FLII: variants seen among roughly 807,000 people sequenced by gnomAD.
FLII encodes the protein FLII actin remodeling protein.
A neutral mutation model predicts 156.2 loss-of-function variants in FLII; 101 were observed. The ratio of observed to expected loss-of-function variants is 0.65; its 90% CI spans 0.55 to 0.76. The LOEUF (loss-of-function observed/expected upper bound fraction) is 0.76, where lower values mean the gene tolerates loss of function less well. FLII is among the 30% of genes least tolerant of loss of function. The probability of loss-of-function intolerance (pLI) is 0.00; values close to 1 mark genes in which losing one functional copy is unlikely to be tolerated. For synonymous variants in FLII, 767 were observed against 685.8 expected (o/e 1.12, Z -1.85); for missense variants, 1,675 against 1,682.8 (o/e 1.00, Z 0.08).
Position 18,246,788 on chromosome 17 carries a change from CCTT to C in FLII, c.2854_2856del (p.Lys952del), listed in dbSNP as rs1174184427. 1.2e-6 allele frequency: 2 copies of C among 1,613,986 alleles called. No individual in the cohort carries two copies. Among genetic ancestry groups the C allele is most frequent in the East Asian group, 4.5e-5 (2 of 44,880 alleles). On this transcript the variant is annotated inframe_deletion, in exon 23 of 30. Coordinates refer to ENST00000327031, the MANE Select transcript of FLII (RefSeq NM_002018.4). ...CCCTCGGCCTTCTCCTCCTTGTCTTCCTTCTTTTCCTCCTCCTCGTACTCCACA... is the reference window on the plus strand; with the variant it reads ...CCCTCGGCCTTCTCCTCCTTGTCTTCCTTTTCCTCCTCCTCGTACTCCACA...
chr17:18,247,022 C>T lies in FLII; in HGVS notation c.2707G>A (p.Asp903Asn). Residue 903 changes from aspartate to asparagine, a missense_variant, in exon 22 of 30, where the codon GAC (aspartate) becomes AAC (asparagine). Asp to Asn is a conservative substitution (Grantham distance 23, BLOSUM62 1). Transcript: ENST00000327031. ...ACGAAACCCTCCATGCCGTCTAGGTCTTCGTTCCACTCCTCCATCAGCTGC... is the reference window on the plus strand; with the variant it reads ...ACGAAACCCTCCATGCCGTCTAGGTTTTCGTTCCACTCCTCCATCAGCTGC... The part of the protein sequence containing the change: ...AEQLMEEWNE[D>N]LDGMEGFVLE... 1 of 1,613,764 alleles carries T rather than the reference C, an allele frequency of 6.2e-7. No individual in the cohort carries two copies. Among genetic ancestry groups the T allele is most frequent in the South Asian group, 1.1e-5 (1 of 91,084 alleles).
chr17:18,246,524 A>G lies in FLII; in HGVS notation c.3052-62T>C. 1.9e-6 allele frequency: 3 copies of G among 1,611,958 alleles called. No individual in the cohort carries two copies. In the South Asian group the frequency reaches 3.3e-5, roughly 18 times the overall value. On this transcript the variant is annotated intron_variant, in intron 23 of 29. Coordinates refer to ENST00000327031, the MANE Select transcript of FLII (RefSeq NM_002018.4). The stretch of plus-strand genomic sequence containing the variant: ...CCCCCACCTGCCCCTCGGGAGCCTA[A>G]CCTTCGCTGGGTCTGAGCCCCACCA...
Position 18,253,294 on chromosome 17 carries a change from C to T in FLII, c.1013+7G>A. The T allele has an allele frequency of 6.2e-7, 1 of 1,613,766 alleles. No homozygotes were observed. The highest frequency in any genetic ancestry group is 8.5e-7 in the Non-Finnish European group (1 of 1,180,006). The stretch of plus-strand genomic sequence containing the variant: ...GTGCCTCTGCTAGCCCCAGCCCTGC[C>T]CAGCACCTGCAGAGACTTTCAGGGA... On this transcript the variant is annotated splice_region_variant and intron_variant, in intron 9 of 29. Coordinates refer to ENST00000327031, the MANE Select transcript of FLII (RefSeq NM_002018.4).
rs1398195195 is a variant in FLII at position 18,251,482 on chromosome 17, G to C, written c.1384-5C>G. 2 of 1,599,366 alleles carry C rather than the reference G, an allele frequency of 1.3e-6. No homozygotes were observed. The highest frequency in any genetic ancestry group is 2.7e-5 in the African/African-American group (2 of 74,726). ...GGCCCGGGCATCTGCGCTCTCCTGG[G>C]GGCAGAGTCACAGAGCACGGCTTGA... On this transcript the variant is annotated splice_polypyrimidine_tract_variant and splice_region_variant and intron_variant, in intron 12 of 29. Coordinates refer to ENST00000327031, the MANE Select transcript of FLII (RefSeq NM_002018.4).
At position 18,256,587 on chromosome 17, in the gene FLII, G is replaced by A. The variant is rs1474886955; in HGVS notation, c.185C>T (p.Ser62Phe). 7.1e-6 allele frequency: 11 copies of A among 1,551,520 alleles called. No individual in the cohort carries two copies. In the African/African-American group the frequency reaches 1.4e-4, roughly 19 times the overall value. Residue 62 changes from serine to phenylalanine, a missense_variant, in exon 3 of 30, where the codon TCT (serine) becomes TTT (phenylalanine). Ser to Phe is a radical substitution (Grantham distance 155). Coordinates refer to ENST00000327031, the MANE Select transcript of FLII (RefSeq NM_002018.4). ...CGTGGTCAGGTTGTTGTGGCTCACA[G>A]ACAAGTGTTCCTGGGCCGGAATGGG... ...LAALQKLEHL[S>F]VSHNNLTTLH...
chr17:18,248,967 CCTCA>C, intron 16 of FLII, 84 bp from the exon 17 acceptor site: 3 of 1,448,696 alleles, frequency 2.1e-6, no homozygotes, highest in Non-Finnish European at 2.9e-6. Flanking sequence ...AAAAAAAATC[CCTCA>C]CTATGGGGTT....
Position 18,249,403 on chromosome 17 carries a change from A to T in FLII, c.1782T>A (p.Phe594Leu). 6.2e-7 allele frequency: 1 copy of T among 1,613,906 alleles called. No homozygotes were observed. The highest frequency in any genetic ancestry group is 8.5e-7 in the Non-Finnish European group (1 of 1,179,854). The stretch of plus-strand genomic sequence containing the variant: ...CCTCAATGTAGGAGATGTCGTTGTC[A>T]AACACCTGTGTGTGTGAGGGTGTGG... ...GDESEEFLQV[F>L]DNDISYIEGG... The change falls in exon 15 of 30, where the codon TTT becomes TTA. Residue 594 changes from phenylalanine to leucine, a missense_variant. Physicochemically the swap from Phe to Leu is conservative, Grantham distance 22. This residue lies in a region of FLII where 1,332 missense variants were observed against 1,269.3 expected (regional missense o/e 1.05). Coordinates refer to ENST00000327031, the MANE Select transcript of FLII (RefSeq NM_002018.4).
chr17:18,245,122 G>T lies in FLII; in HGVS notation c.*16C>A, dbSNP rs1442391797. 4 of 1,604,398 alleles carry T rather than the reference G, an allele frequency of 2.5e-6. No homozygotes were observed. Among genetic ancestry groups the T allele is most frequent in the Non-Finnish European group, 3.4e-6 (4 of 1,173,614 alleles). ...CTTCCTCTTCCTCACCAAGCCTGGG[G>T]CTGTGCCAGCCTGTCTTAGGCCAGG... On this transcript the variant is annotated 3_prime_UTR_variant, in exon 30 of 30. Coordinates refer to ENST00000327031, the MANE Select transcript of FLII (RefSeq NM_002018.4).
Position 18,254,428 on chromosome 17 carries a change from A to ACGG in FLII, c.575+92_575+93insCCG, listed in dbSNP as rs2048357519. On this transcript the variant is annotated intron_variant, in intron 6 of 29. Coordinates refer to ENST00000327031, the MANE Select transcript of FLII (RefSeq NM_002018.4). ...CCTGCACGGAGGGATGGCTGGGCCT[A>ACGG]AGGGAGAAGGGTTAGGGCCCTGGGA... 3.1e-6 allele frequency: 4 copies of ACGG among 1,308,506 alleles called. No individual in the cohort carries two copies. In the South Asian group the frequency reaches 5.8e-5, roughly 19 times the overall value. 81.1% of individuals were successfully genotyped at this position (1,308,506 alleles called of 1,614,324 possible). A position where few individuals can be genotyped will look rare whatever the true frequency, so the allele number is the denominator to read the frequency against.
intron 10 of FLII, 134 bp from the exon 11 acceptor site, chr17:18,252,280 T>C: frequency 1.1e-6 from 1 of 944,490 alleles, no homozygotes; most frequent in Non-Finnish European, 1.6e-6. Context: ...CCCACCCACC[T>C]CTGGGGCTGG....
Position 18,251,853 on chromosome 17 carries a change from C to CTTG in FLII, c.1247-38_1247-37insCAA. The CTTG allele has an allele frequency of 2.5e-6, 4 of 1,612,058 alleles. No homozygotes were observed. In the East Asian group the frequency reaches 8.9e-5, roughly 36 times the overall value. ...GGCAAACAGCTGAGCCCTCACTGGGCCTGCTGCCCCCTTGGGCATGCGACC... is the reference window on the plus strand; with the variant it reads ...GGCAAACAGCTGAGCCCTCACTGGGCTTGCTGCTGCCCCCTTGGGCATGCGACC... On this transcript the variant is annotated intron_variant, in intron 11 of 29. Transcript: ENST00000327031.
intron 11 of FLII, 30 bp downstream of exon 11, chr17:18,251,969 C>T (rs1322468135): frequency 5.0e-6 from 8 of 1,606,588 alleles, no homozygotes; most frequent in African/African-American, 1.3e-5. Flanking sequence ...GAGGAGCCCC[C>T]GTTCCCAGGC....
intron 14 of FLII, among the ~76,000 whole-genome samples, chr17:18,249,858 C>T (rs2048206325): frequency 6.6e-6 from 1 of 151,872 alleles, no homozygotes; most frequent in African/African-American, 2.4e-5. Context: ...GTGGCTCATG[C>T]CTGTAATCTT....
chr17:18,256,514 GC>G lies in FLII; in HGVS notation c.246+11del. 6.5e-7 allele frequency: 1 copy of G among 1,550,252 alleles called. No individual in the cohort carries two copies. Among genetic ancestry groups the G allele is most frequent in the African/African-American group, 1.4e-5 (1 of 73,138 alleles). On this transcript the variant is annotated intron_variant, in intron 3 of 29. Coordinates refer to ENST00000327031, the MANE Select transcript of FLII (RefSeq NM_002018.4). Reference sequence around the variant, plus strand: ...CAACCCCAAGCTCGGTGGCCTCCCGGCCAGCACTCACGCGCAGCGATGGCAG... The same window carrying G: ...CAACCCCAAGCTCGGTGGCCTCCCGGCAGCACTCACGCGCAGCGATGGCAG...
At chr17:18,254,446 C>T (rs1037610439) in intron 6 of FLII, 75 bp downstream of exon 6, 4 of 1,444,430 alleles carry the variant, frequency 2.8e-6, no homozygotes, top group African/African-American at 1.4e-5. Context: ...AGGGTTAGGG[C>T]CCTGGGAAGT....
upstream of FLII, chr17:18,258,888 G>A (rs889689591): frequency 6.8e-6 from 2 of 292,962 alleles, no homozygotes; most frequent in Non-Finnish European, 1.2e-5. This position sits in a 1 kb window ranked among gnomAD's most constrained non-coding sequence, Gnocchi z 4.2. Context: ...GAGGCACCAA[G>A]GAGTGCGGGC....
Position 18,245,610 on chromosome 17 carries a change from A to C in FLII, c.3554T>G (p.Phe1185Cys), listed in dbSNP as rs1289118693. 3.7e-6 allele frequency: 6 copies of C among 1,613,762 alleles called. No homozygotes were observed. The highest frequency in any genetic ancestry group is 1.1e-5 in the South Asian group (1 of 91,068). The part of the protein sequence containing the change: ...YFAVTEKCSD[F>C]CQDDLADDDI... ...ATCATCTGCCAGGTCATCTTGGCAA[A>C]AGTCGGAGCATTTCTCAGTCACTGC... Residue 1185 changes from phenylalanine (F) to cysteine (C), a missense_variant, in exon 28 of 30, where the codon TTT becomes TGT. Phe to Cys is a radical substitution (Grantham distance 205). This residue lies in a region of FLII where 1,332 missense variants were observed against 1,269.3 expected (regional missense o/e 1.05). Transcript: ENST00000327031.
chr17:18,247,295 C>T lies in FLII; in HGVS notation c.2550G>A (p.Ala850=), dbSNP rs780902091. 6.2e-7 allele frequency: 1 copy of T among 1,612,440 alleles called. No homozygotes were observed. Among genetic ancestry groups the T allele is most frequent in the Admixed American group, 1.7e-5 (1 of 59,448 alleles). The change falls in exon 21 of 30, where the codon GCG becomes GCA. Residue 850 remains alanine (A), a synonymous_variant. Coordinates refer to ENST00000327031, the MANE Select transcript of FLII (RefSeq NM_002018.4). ...DVLTVDYTRN[A]EAVLQSPGLS... is the part of the protein sequence containing the mutation. Reference sequence around the variant, plus strand: ...GACCCGGGCTCTGCAGCACGGCCTCCGCATTGCGTGTGTAGTCCACCGTCA... The same window carrying T: ...GACCCGGGCTCTGCAGCACGGCCTCTGCATTGCGTGTGTAGTCCACCGTCA...
chr17:18,255,984 C>CT (rs1220483851), intron 3 of FLII, among the ~76,000 whole-genome samples: 1 of 152,268 alleles, frequency 6.6e-6, no homozygotes, highest in Non-Finnish European at 1.5e-5. Flanking sequence ...CTCCAGGGCT[C>CT]TGACTTCAGA....
Sources: gnomAD v4.1 joint callset for allele counts (sites outside exome capture counted in the v4.1 genomes callset) on GRCh38, gnomAD v4.1.1 for gene constraint, gnomAD v4.1.1 regional missense constraint, Gnocchi (gnomAD v3.1) non-coding constraint, MANE v1.5 for transcripts, NCBI Gene and HGNC (gene_info 2026-07-23, HGNC 2026-07-21) for gene names.